The following EIF3E variants were observed in gnomAD, a reference collection of about 807,000 sequenced individuals.
EIF3E encodes the protein eIF-3 p48.
Under a neutral mutation model 59.3 loss-of-function variants are expected in EIF3E, and 25 were observed. That is an observed-to-expected ratio of 0.42 (90% CI 0.31 to 0.59). The LOEUF (loss-of-function observed/expected upper bound fraction) is 0.59, where lower values mean the gene tolerates loss of function less well. EIF3E is among the 20% of genes least tolerant of loss of function. The pLI is 0.15. For missense variants in EIF3E, 317 were observed against 534.3 expected, an observed-to-expected ratio of 0.59 and a Z score of 4.01; for synonymous variants, 176 against 170.2, an observed-to-expected ratio of 1.03 and a Z score of -0.26.
At chr8:108,218,398 G>A (rs1410564122) in intron 7 of EIF3E, among the ~76,000 whole-genome samples, 1 of 152,026 alleles carries the variant, frequency 6.6e-6, no homozygotes, top group Non-Finnish European at 1.5e-5. Context: ...AGTTCCCCCA[G>A]GCAATGATGA....
intron 1 of EIF3E, among the ~76,000 whole-genome samples, chr8:108,246,947 T>G (rs1243894138): frequency 6.6e-6 from 1 of 152,166 alleles, no homozygotes; most frequent in Non-Finnish European, 1.5e-5. Flanking sequence ...ATATATTAAG[T>G]TTTGGGGGAG....
At chr8:108,228,130 AGC>A in intron 7 of EIF3E, 135 bp downstream of exon 7, 1 of 956,624 alleles carries the variant, frequency 1.0e-6, no homozygotes, top group Non-Finnish European at 1.5e-6. Context: ...TTCAGTAACA[AGC>A]AAATCTACTA....
intron 5 of EIF3E, among the ~76,000 whole-genome samples, chr8:108,230,904 C>A (rs1235708671): frequency 2.0e-5 from 3 of 151,996 alleles, no homozygotes; most frequent in Non-Finnish European, 4.4e-5. Context: ...TAAAAATAAG[C>A]CAAACACAAA....
intron 1 of EIF3E, among the ~76,000 whole-genome samples, chr8:108,244,817 A>T (rs944096208): frequency 6.6e-6 from 1 of 152,018 alleles, no homozygotes; most frequent in Non-Finnish European, 1.5e-5. Context: ...AAAAAAAGTC[A>T]CCTATTCTCT....
At chr8:108,235,329 G>A (rs1010437703) in intron 4 of EIF3E, among the ~76,000 whole-genome samples, 2 of 152,182 alleles carry the variant, frequency 1.3e-5, no homozygotes, top group Non-Finnish European at 2.9e-5. Flanking sequence ...GTAAACTAAT[G>A]GGGGCTGGGG....
chr8:108,213,252 T>C (rs1020740625), intron 10 of EIF3E, among the ~76,000 whole-genome samples: 3 of 152,134 alleles, frequency 2.0e-5, no homozygotes, highest in African/African-American at 2.4e-5. Flanking sequence ...ACAAATCTTA[T>C]TGATAGTACC....
intron 12 of EIF3E, among the ~76,000 whole-genome samples, chr8:108,202,640 G>T (rs963742465): frequency 6.6e-6 from 1 of 151,862 alleles, no homozygotes; most frequent in Admixed American, 6.6e-5. Flanking sequence ...TACACATTTC[G>T]AACACTTGAA....
At chr8:108,248,030 G>C (rs1009757475) in intron 1 of EIF3E, among the ~76,000 whole-genome samples, 4 of 141,122 alleles carry the variant, frequency 2.8e-5, no homozygotes, top group South Asian at 2.6e-4. Flanking sequence ...TTTTCTGGGG[G>C]GGGGGGCGGG....
chr8:108,201,787 A>C lies in EIF3E; in HGVS notation c.*98T>G. On this transcript the variant is annotated 3_prime_UTR_variant, in exon 13 of 13. Transcript: ENST00000220849. ...TCCAATTCTTCAAAATTTATACGTA[A>C]TATGTTGTTTCCAAAATGTAAGTCA... 9.9e-7 allele frequency: 1 copy of C among 1,006,234 alleles called. No homozygotes were observed. Among genetic ancestry groups the C allele is most frequent in the Non-Finnish European group, 1.3e-6 (1 of 741,488 alleles). The allele number at this position is 1,006,234 out of a possible 1,614,324, so 62.3% of individuals were successfully genotyped here. A position where few individuals can be genotyped will look rare whatever the true frequency, so the allele number is the denominator to read the frequency against.
At chr8:108,223,414 G>A (rs571863184) in intron 7 of EIF3E, among the ~76,000 whole-genome samples, 1 of 152,042 alleles carries the variant, frequency 6.6e-6, no homozygotes, top group African/African-American at 2.4e-5. Context: ...ACGACAAAGA[G>A]TTTTTTTTAC....
At chr8:108,238,288 A>T (rs1333335456) in intron 3 of EIF3E, among the ~76,000 whole-genome samples, 1 of 152,188 alleles carries the variant, frequency 6.6e-6, no homozygotes, top group Non-Finnish European at 1.5e-5. Flanking sequence ...GCATATAGTC[A>T]TCCCTTGGTA....
At chr8:108,228,494 T>C in intron 6 of EIF3E, 103 bp from the exon 7 acceptor site, 3 of 911,904 alleles carry the variant, frequency 3.3e-6, no homozygotes, top group Non-Finnish European at 4.5e-6. Flanking sequence ...AATGAGCCCC[T>C]TCTAAGGCAT....
intron 9 of EIF3E, 50 bp downstream of exon 9, chr8:108,216,362 T>C (rs1369858582): frequency 1.5e-6 from 2 of 1,372,684 alleles, no homozygotes; most frequent in Non-Finnish European, 2.0e-6. Context: ...CGTTACAATA[T>C]CCAAAAATTT....
intron 7 of EIF3E, among the ~76,000 whole-genome samples, chr8:108,218,037 A>G (rs556396174): frequency 6.6e-6 from 1 of 152,310 alleles, no homozygotes; most frequent in African/African-American, 2.4e-5. Context: ...TGCTGTTGTG[A>G]TGATCAACAT....
chr8:108,236,379 C>T (rs1485916715), intron 3 of EIF3E, among the ~76,000 whole-genome samples, 176 bp from the exon 4 acceptor site: 1 of 152,066 alleles, frequency 6.6e-6, no homozygotes, highest in Non-Finnish European at 1.5e-5. Context: ...AAGAAGTATA[C>T]AAGGAGAGCT....
intron 7 of EIF3E, among the ~76,000 whole-genome samples, chr8:108,225,041 T>C (rs1586201160): frequency 6.6e-6 from 1 of 151,654 alleles, no homozygotes; most frequent in East Asian, 1.9e-4. Context: ...TTCTGCTGTA[T>C]ACACACTTCA....
chr8:108,208,312 G>A (rs1280349298), intron 10 of EIF3E, among the ~76,000 whole-genome samples: 2 of 152,098 alleles, frequency 1.3e-5, no homozygotes, highest in African/African-American at 2.4e-5. Context: ...CTCTGGTCTA[G>A]TTTTCACTGA....
At chr8:108,219,311 C>T (rs746959575) in intron 7 of EIF3E, among the ~76,000 whole-genome samples, 4 of 152,034 alleles carry the variant, frequency 2.6e-5, no homozygotes, top group Non-Finnish European at 4.4e-5. Context: ...ATTTCAGAAG[C>T]CAGCAAAATT....
At chr8:108,214,792 G>T in intron 9 of EIF3E, 76 bp from the exon 10 acceptor site, 1 of 1,275,056 alleles carries the variant, frequency 7.8e-7, no homozygotes, top group Non-Finnish European at 1.1e-6. Flanking sequence ...TACTTTATCT[G>T]CTTTATTTTT....
Sources: allele counts gnomAD v4.1 joint callset (sites outside exome capture counted in the v4.1 genomes callset), GRCh38; gene constraint gnomAD v4.1.1; transcripts MANE v1.5; gene names NCBI Gene and HGNC (gene_info 2026-07-23, HGNC 2026-07-21).